CD53: variants seen among roughly 807,000 people sequenced by gnomAD.
The protein encoded by CD53 is leukocyte surface antigen CD53.
In CD53, 20 loss-of-function variants were observed where a neutral mutation model predicts 27.3. That is an observed-to-expected ratio of 0.73 (90% CI 0.52 to 1.07). CD53 has a LOEUF of 1.07. Ranked by LOEUF, CD53 falls within the 50% of genes least tolerant of loss-of-function variation. CD53 has a pLI of 0.00. For missense variants in CD53, 216 were observed against 264.0 expected (o/e 0.82, Z 1.26); for synonymous variants, 106 against 105.3 (o/e 1.01, Z -0.04).
chr1:110,890,973 A>G (rs1318860172), intron 1 of CD53, among the ~76,000 whole-genome samples: 1 of 152,278 alleles, frequency 6.6e-6, no homozygotes, highest in Non-Finnish European at 1.5e-5. Context: ...AGTATTTAAG[A>G]AACTGGCTGA....
chr1:110,892,737 T>G (rs539179048), intron 3 of CD53: 25 of 529,568 alleles, frequency 4.7e-5, no homozygotes, highest in African/African-American at 4.6e-4. Context: ...AGGGCATTGC[T>G]ATCCCCCTTG....
chr1:110,898,749 G>A (rs757795619), intron 7 of CD53, among the ~76,000 whole-genome samples: 1 of 152,040 alleles, frequency 6.6e-6, no homozygotes, highest in Non-Finnish European at 1.5e-5. Flanking sequence ...ACTCAATCAG[G>A]AAGCTCAGAG....
At position 110,899,671 on chromosome 1, in the gene CD53, C is replaced by T. The variant is rs1657227049; in HGVS notation, c.*476C>T. 6.2e-6 allele frequency: 1 copy of T among 160,570 alleles called. No individual in the cohort carries two copies. Among genetic ancestry groups the T allele is most frequent in the Admixed American group, 6.2e-5 (1 of 16,092 alleles). 9.9% of individuals were successfully genotyped at this position (160,570 alleles called of 1,614,324 possible). ...CCTCTGTTTCTCTTTGACTAAGTGC[C>T]CTGGCTACAGGAATTACACAGTTCT... On this transcript the variant is annotated 3_prime_UTR_variant, in exon 8 of 8. Coordinates refer to ENST00000271324, the MANE Select transcript of CD53 (RefSeq NM_000560.4).
intron 1 of CD53, among the ~76,000 whole-genome samples, chr1:110,886,869 A>ATATATATATATATATATATATATTTTTT (rs1298376721): frequency 1.2e-5 from 1 of 82,800 alleles, no homozygotes; most frequent in African/African-American, 5.3e-5. Context: ...ATATATATAT[A>ATATATATATATATATATATATATTTTTT]TTTTTTTTTT....
At chr1:110,886,544 T>TAGAAATAAAA in intron 1 of CD53, among the ~76,000 whole-genome samples, 1 of 152,148 alleles carries the variant, frequency 6.6e-6, no homozygotes, top group South Asian at 2.1e-4. Flanking sequence ...GATGCTCTGT[T>TAGAAATAAAA]CATTTAAAAC....
chr1:110,880,595 G>A (rs1431505918), intron 1 of CD53, among the ~76,000 whole-genome samples: 1 of 152,108 alleles, frequency 6.6e-6, no homozygotes, highest in African/African-American at 2.4e-5. Context: ...ACTGATGGGT[G>A]AGTTAGTTAT....
rs1657233522 is a variant in CD53 at position 110,899,863 on chromosome 1, A to G, written c.*668A>G. On this transcript the variant is annotated 3_prime_UTR_variant, in exon 8 of 8. Transcript: ENST00000271324. ...AGACTTCTGGTATTATCTCTCTATC[A>G]GATAAGATTTTGTTAATGTACTATT... 1 of 152,518 alleles carries G rather than the reference A, an allele frequency of 6.6e-6. No individual in the cohort carries two copies. The highest frequency in any genetic ancestry group is 6.6e-5 in the Admixed American group (1 of 15,238). The allele number at this position is 152,518 out of a possible 1,614,324, so 9.4% of individuals were successfully genotyped here.
chr1:110,895,145 C>A, intron 5 of CD53, 90 bp downstream of exon 5: 1 of 956,756 alleles, frequency 1.0e-6, no homozygotes, highest in South Asian at 1.3e-5. Flanking sequence ...CTGGAAGTTT[C>A]AGAATCTAAG....
At chr1:110,888,394 A>G (rs1480273854) in intron 1 of CD53, among the ~76,000 whole-genome samples, 2 of 152,046 alleles carry the variant, frequency 1.3e-5, no homozygotes, top group Non-Finnish European at 2.9e-5. Flanking sequence ...CTCTCCCTCT[A>G]TGCTCCATGG....
chr1:110,888,324 A>C lies in CD53; in HGVS notation c.-17-3068A>C, dbSNP rs922752093. ...CTCTCTGTGCACCTTTCTTTTGTAC[A>C]TTGCGGTGTCCTGTAAACCCTAGCT... On this transcript the variant is annotated intron_variant, in intron 1 of 7. Coordinates refer to ENST00000271324, the MANE Select transcript of CD53 (RefSeq NM_000560.4). Among the ~76,000 whole-genome samples, 6 of 152,284 alleles carry C rather than the reference A, an allele frequency of 3.9e-5. 2 individuals are homozygous for C. Among genetic ancestry groups the C allele is most frequent in the Admixed American group, 3.9e-4 (6 of 15,296 alleles).
At position 110,892,394 on chromosome 1, in the gene CD53, A is replaced by G. The variant is rs1656888163; in HGVS notation, c.113A>G (p.Asn38Ser). 2 of 1,613,976 alleles carry G rather than the reference A, an allele frequency of 1.2e-6. No homozygotes were observed. The highest frequency in any genetic ancestry group is 1.7e-6 in the Non-Finnish European group (2 of 1,179,938). Residue 38 changes from asparagine (N) to serine (S), a missense_variant, in exon 3 of 8, where the codon AAC (asparagine) becomes AGC (serine). Transcript: ENST00000271324. ...TTTGGGATCTACCTGCTGATCCACA[A>G]CAACTTCGGAGTGCTCTTCCATAAC... ...LGFGIYLLIHNNFGVLFHNLP... is the reference protein window; with the variant it reads ...LGFGIYLLIHSNFGVLFHNLP...
intron 1 of CD53, among the ~76,000 whole-genome samples, chr1:110,875,924 C>G (rs1231721623): frequency 6.6e-6 from 1 of 152,172 alleles, no homozygotes; most frequent in Non-Finnish European, 1.5e-5. Context: ...GGTGAGTGCT[C>G]TCTCTTCATT....
chr1:110,895,696 C>A lies in CD53; in HGVS notation c.423+641C>A, dbSNP rs142090238. ...AAGTCACTTAACTTATTTAGATCTC[C>A]AATTCTTTATTTTTTTAATTCAGTT... On this transcript the variant is annotated intron_variant, in intron 5 of 7. Coordinates refer to ENST00000271324, the MANE Select transcript of CD53 (RefSeq NM_000560.4). Among the ~76,000 whole-genome samples, 754 of 152,074 alleles carry A rather than the reference C, an allele frequency of 5.0e-3. 14 individuals are homozygous for A. Among genetic ancestry groups the A allele is most frequent in the African/African-American group, 0.017 (715 of 41,460 alleles).
rs762484204 is a variant in CD53 at position 110,899,127 on chromosome 1, T to G, written c.592T>G (p.Leu198Val). 22 of 1,613,580 alleles carry G rather than the reference T, an allele frequency of 1.4e-5. No individual in the cohort carries two copies. Among genetic ancestry groups the G allele is most frequent in the Non-Finnish European group, 1.7e-5 (20 of 1,179,574 alleles). Residue 198 changes from leucine (L) to valine (V), a missense_variant, in exon 8 of 8, where the codon TTG becomes GTG. By Grantham distance (32) the Leu-to-Val change is conservative (BLOSUM62 1). Transcript: ENST00000271324. ...ITICVCVIEVLGMSFALTLNC... is the reference protein window; with the variant it reads ...ITICVCVIEVVGMSFALTLNC... The stretch of plus-strand genomic sequence containing the variant: ...ATTTTCCCAACTCTTTTCACAGGTG[T>G]TGGGGATGTCCTTTGCACTGACCCT...
chr1:110,895,931 A>C (rs1318405762), intron 5 of CD53, among the ~76,000 whole-genome samples: 2 of 152,138 alleles, frequency 1.3e-5, no homozygotes, highest in Admixed American at 1.3e-4. Context: ...TACACCTAAA[A>C]TTTTATAATT....
Position 110,892,518 on chromosome 1 carries a change from G to A in CD53, c.237G>A (p.Lys79=). Residue 79 remains lysine (K), a synonymous_variant, in exon 3 of 8, where the codon AAG becomes AAA. Transcript: ENST00000271324. ...LGCMGSIKEN[K]CLLMSFFILL... is the part of the protein sequence containing the mutation. ...GCATGGGCTCTATCAAGGAAAACAA[G>A]TGTCTGCTTATGTCGGTGAGTCCTT... 6.2e-7 allele frequency: 1 copy of A among 1,613,918 alleles called. No individual in the cohort carries two copies. The highest frequency in any genetic ancestry group is 1.1e-5 in the South Asian group (1 of 91,068).
At position 110,880,039 on chromosome 1, in the gene CD53, T is replaced by C. The variant is rs944740305; in HGVS notation, c.-18+6791T>C. 3.3e-5 allele frequency among the ~76,000 whole-genome samples: 5 copies of C among 152,310 alleles called. No individual in the cohort carries two copies. In the East Asian group the frequency reaches 5.8e-4, roughly 18 times the overall value. Reference sequence around the variant, plus strand: ...CATTGGAGGAAACTAAAGAGCAAAGTTGATCCCTAACCTCCATGTTGAGTT... The same window carrying C: ...CATTGGAGGAAACTAAAGAGCAAAGCTGATCCCTAACCTCCATGTTGAGTT... On this transcript the variant is annotated intron_variant, in intron 1 of 7. Coordinates refer to ENST00000271324, the MANE Select transcript of CD53 (RefSeq NM_000560.4).
chr1:110,877,960 A>G (rs1270701602), intron 1 of CD53, among the ~76,000 whole-genome samples: 1 of 152,202 alleles, frequency 6.6e-6, no homozygotes, highest in Non-Finnish European at 1.5e-5. Context: ...TGCTCAACAC[A>G]TTGCACCAAA....
At chr1:110,898,493 CCCT>C (rs1336236137) in intron 7 of CD53, among the ~76,000 whole-genome samples, 1 of 151,888 alleles carries the variant, frequency 6.6e-6, no homozygotes, top group Non-Finnish European at 1.5e-5. Context: ...CCACTGTGAT[CCCT>C]CCTCAGCTGG....
Sources: allele counts gnomAD v4.1 joint callset (sites outside exome capture counted in the v4.1 genomes callset), GRCh38; gene constraint gnomAD v4.1.1; transcripts MANE v1.5; gene names NCBI Gene and HGNC (gene_info 2026-07-23, HGNC 2026-07-21).